The following UBAP2 variants were observed in gnomAD, a reference collection of about 807,000 sequenced individuals.
UBAP2 encodes ubiquitin-associated protein 2.
Under a neutral mutation model 139.6 loss-of-function variants are expected in UBAP2, and 75 were observed. That is an observed-to-expected ratio of 0.54 (90% CI 0.45 to 0.65). The LOEUF (loss-of-function observed/expected upper bound fraction) is 0.65. UBAP2 is among the 30% of genes least tolerant of loss of function. The pLI is 0.00. For synonymous variants in UBAP2, 526 were observed against 526.2 expected (o/e 1.00, Z 0.01); for missense variants, 1,368 against 1,369.6 (o/e 1.00, Z 0.02).
At chr9:33,972,148 C>T (rs559710965) in intron 7 of UBAP2, among the ~76,000 whole-genome samples, 2 of 152,298 alleles carry the variant, frequency 1.3e-5, no homozygotes, top group Admixed American at 6.5e-5. Flanking sequence ...TTGGCTTTTA[C>T]AGCTTAGATT....
intron 6 of UBAP2, among the ~76,000 whole-genome samples, chr9:33,982,904 CAG>C (rs1304429403): frequency 6.9e-6 from 1 of 145,836 alleles, no homozygotes; most frequent in African/African-American, 2.5e-5. Context: ...GTTTTTGAGA[CAG>C]AGTCTCACTG....
chr9:33,971,377 A>G (rs1238030213), intron 8 of UBAP2, among the ~76,000 whole-genome samples: 1 of 152,204 alleles, frequency 6.6e-6, no homozygotes, highest in Non-Finnish European at 1.5e-5. Flanking sequence ...TACTTTGATC[A>G]GAGTGTGGGT....
Position 33,980,220 on chromosome 9 carries a change from C to CTTTTTTTTTTTTTTTTTTTTTT in UBAP2, c.520+6518_520+6539dup, listed in dbSNP as rs1173781682. Among the ~76,000 whole-genome samples, 52 of 49,136 alleles carry CTTTTTTTTTTTTTTTTTTTTTT rather than the reference C, an allele frequency of 1.1e-3. 18 individuals are homozygous for CTTTTTTTTTTTTTTTTTTTTTT. The highest frequency in any genetic ancestry group is 1.4e-3 in the Non-Finnish European group (38 of 27,466). The allele number at this position is 49,136 out of a possible 152,430, so 32.2% of individuals were successfully genotyped here. ...TTAATCCAAATCCTGAGTGTCATTTCTTTTTTTTTTTTTTTTTTTTTTTTT... is the reference window on the plus strand; with the variant it reads ...TTAATCCAAATCCTGAGTGTCATTTCTTTTTTTTTTTTTTTTTTTTTTTTTTTTTTTTTTTTTTTTTTTTTTT... On this transcript the variant is annotated intron_variant, in intron 6 of 28. Transcript: ENST00000379238.
Position 33,948,518 on chromosome 9 carries a change from T to A in UBAP2, c.1126A>T (p.Ile376Phe). 2 of 1,614,140 alleles carry A rather than the reference T, an allele frequency of 1.2e-6. No individual in the cohort carries two copies. The highest frequency in any genetic ancestry group is 1.7e-6 in the Non-Finnish European group (2 of 1,180,028). The change falls in exon 13 of 29, where the codon ATT (isoleucine) becomes TTT (phenylalanine). Residue 376 changes from isoleucine (I) to phenylalanine (F), a missense_variant. Transcript: ENST00000379238. ...PKMANITSSQ[I>F]LDQLKAPSLG... ...CTCGGAGCTTTCAACTGGTCCAAAA[T>A]CTGGGAGCTGGTGATGTTTGCCATT...
intron 22 of UBAP2, among the ~76,000 whole-genome samples, chr9:33,926,234 A>G (rs1288509756): frequency 1.3e-5 from 2 of 152,232 alleles, no homozygotes; most frequent in South Asian, 2.1e-4. Context: ...TCTGAGGAAG[A>G]GGAAGACAGT....
rs560327506 is a variant in UBAP2, at chr9:34,021,854, G to A, written c.-41-4665C>T. On this transcript the variant is annotated intron_variant, in intron 1 of 28. Coordinates refer to ENST00000379238, the MANE Select transcript of UBAP2 (RefSeq NM_001370062.2). Reference sequence around the variant, plus strand: ...TCAACTTGTTGGTCAGGCTGGTTTCGAACTCCAGACCTCGGGTGATCCAAC... The same window carrying A: ...TCAACTTGTTGGTCAGGCTGGTTTCAAACTCCAGACCTCGGGTGATCCAAC... Among the ~76,000 whole-genome samples the A allele has an allele frequency of 6.6e-5, 10 of 152,160 alleles. No homozygotes were observed. The South Asian group carries it at 1.2e-3, about 19-fold the overall frequency.
intron 8 of UBAP2, among the ~76,000 whole-genome samples, chr9:33,965,682 G>A (rs1176498196): frequency 6.6e-6 from 1 of 152,162 alleles, no homozygotes; most frequent in Non-Finnish European, 1.5e-5. Context: ...ATATGTATAT[G>A]TGTTTATTTC....
chr9:33,926,633 T>C lies in UBAP2; in HGVS notation c.2495A>G (p.Gln832Arg). Reference protein sequence around the residue: ...IYGYDELQMLQSRLPVDYYGI... With the variant: ...IYGYDELQMLRSRLPVDYYGI... Reference sequence around the variant, plus strand: ...CCCACTCACCACTGGCAGCCGTGACTGCAGCATCTGGAGCTCGTCATAGCC... The same window carrying C: ...CCCACTCACCACTGGCAGCCGTGACCGCAGCATCTGGAGCTCGTCATAGCC... Residue 832 changes from glutamine (Q) to arginine (R), a missense_variant, in exon 22 of 29, where the codon CAG becomes CGG. By Grantham distance (43) the Gln-to-Arg change is conservative (BLOSUM62 1). Coordinates refer to ENST00000379238, the MANE Select transcript of UBAP2 (RefSeq NM_001370062.2). 6.2e-7 allele frequency: 1 copy of C among 1,614,214 alleles called. No individual in the cohort carries two copies. Among genetic ancestry groups the C allele is most frequent in the Non-Finnish European group, 8.5e-7 (1 of 1,180,032 alleles).
intron 1 of UBAP2, among the ~76,000 whole-genome samples, chr9:34,037,210 G>A (rs1353852147): frequency 2.0e-5 from 3 of 151,952 alleles, no homozygotes; most frequent in Admixed American, 6.6e-5. Flanking sequence ...GGATGGTCTC[G>A]ATCTCCTGAC....
chr9:34,008,058 C>T (rs1004034217), intron 2 of UBAP2, among the ~76,000 whole-genome samples: 6 of 151,808 alleles, frequency 4.0e-5, no homozygotes, highest in African/African-American at 1.5e-4. Flanking sequence ...TCGCTTGAAC[C>T]TGGGAGGCGA....
chr9:34,035,514 A>AAAATATATATATAT lies in UBAP2; in HGVS notation c.-42+13310_-42+13311insATATATATATATTT. On this transcript the variant is annotated intron_variant, in intron 1 of 28. Coordinates refer to ENST00000379238, the MANE Select transcript of UBAP2 (RefSeq NM_001370062.2). ...GAGACTCCATCTAAAAAAAAAAAAA[A>AAAATATATATATAT]ATATATATATATAAAGATTAGCCAG... Among the ~76,000 whole-genome samples, 148 of 22,492 alleles carry AAAATATATATATAT rather than the reference A, an allele frequency of 6.6e-3. 13 individuals are homozygous for AAAATATATATATAT. Among genetic ancestry groups the AAAATATATATATAT allele is most frequent in the South Asian group, 0.031 (32 of 1,032 alleles). 14.8% of individuals were successfully genotyped at this position (22,492 alleles called of 152,430 possible).
At chr9:34,043,358 G>C (rs1428921561) in intron 1 of UBAP2, among the ~76,000 whole-genome samples, 1 of 151,946 alleles carries the variant, frequency 6.6e-6, no homozygotes, top group Non-Finnish European at 1.5e-5. Flanking sequence ...GTAAAGACAG[G>C]GTTTTGCCAC....
At chr9:34,027,393 A>T (rs1405059360) in intron 1 of UBAP2, among the ~76,000 whole-genome samples, 1 of 151,262 alleles carries the variant, frequency 6.6e-6, no homozygotes, top group Non-Finnish European at 1.5e-5. Flanking sequence ...AGGCAGGAGA[A>T]TCCACTTGAA....
chr9:34,024,549 T>A (rs1432260157), intron 1 of UBAP2, among the ~76,000 whole-genome samples: 1 of 152,050 alleles, frequency 6.6e-6, no homozygotes, highest in East Asian at 1.9e-4. Context: ...CAAAAAAATT[T>A]CCAGAGATGA....
intron 6 of UBAP2, 123 bp downstream of exon 6, chr9:33,986,637 A>G (rs1821240141): frequency 3.6e-6 from 3 of 830,124 alleles, no homozygotes; most frequent in African/African-American, 1.7e-5. Flanking sequence ...ACAAATGATC[A>G]GATTTTAGAT....
intron 2 of UBAP2, among the ~76,000 whole-genome samples, chr9:34,005,047 G>A (rs1823067388): frequency 6.6e-6 from 1 of 152,030 alleles, no homozygotes; most frequent in African/African-American, 2.4e-5. Context: ...CGGATCACTT[G>A]AGGTCAGGAG....
At chr9:33,978,494 C>T (rs62555938) in intron 6 of UBAP2, among the ~76,000 whole-genome samples, 31,499 of 151,998 alleles carry the variant, frequency 0.21, 3,867 homozygotes, top group East Asian at 0.55. Flanking sequence ...GGAACTAGGC[C>T]GGGTGCAGTG....
intron 2 of UBAP2, among the ~76,000 whole-genome samples, chr9:34,016,362 G>GGCA (rs201650799): frequency 1.1e-5 from 1 of 87,448 alleles, no homozygotes; most frequent in Non-Finnish European, 2.3e-5. Context: ...CAGCAGCGGC[G>GGCA]GCAGCGGCGG....
chr9:34,017,100 G>T lies in UBAP2; in HGVS notation c.49C>A (p.Pro17Thr). Residue 17 changes from proline to threonine, a missense_variant, in exon 2 of 29, where the codon CCA becomes ACA. By Grantham distance (38) the Pro-to-Thr change is conservative. Coordinates refer to ENST00000379238, the MANE Select transcript of UBAP2 (RefSeq NM_001370062.2). ...GTTGATTGTGCTGCTGAAATCTGTG[G>T]TTTTTCCCGAGCACCTCGACAATGG... is the stretch of plus-strand genomic sequence containing the variant. Reference protein sequence around the residue: ...SDHCRGAREKPQISAAQSTQP... With the variant: ...SDHCRGAREKTQISAAQSTQP... 3 of 1,612,466 alleles carry T rather than the reference G, an allele frequency of 1.9e-6. No individual in the cohort carries two copies. Among genetic ancestry groups the T allele is most frequent in the Non-Finnish European group, 2.5e-6 (3 of 1,179,606 alleles).
Sources: gnomAD v4.1 joint callset for allele counts (sites outside exome capture counted in the v4.1 genomes callset) on GRCh38, gnomAD v4.1.1 for gene constraint, MANE v1.5 for transcripts, NCBI Gene and HGNC (gene_info 2026-07-23, HGNC 2026-07-21) for gene names.